Variants in ME1 observed in about 807,000 individuals in gnomAD.
ME1 encodes malic enzyme 1.
In ME1, 74 loss-of-function variants were observed where a neutral mutation model predicts 66.4. The ratio of observed to expected loss-of-function variants is 1.11; its 90% CI spans 0.92 to 1.35. ME1 has a LOEUF of 1.35. Among genes scored for constraint, ME1 ranks in the 40% most tolerant of loss-of-function variants. The probability of loss-of-function intolerance (pLI) is 0.00; values close to 1 mark genes in which losing one functional copy is unlikely to be tolerated. For missense variants in ME1, 750 were observed against 694.1 expected (o/e 1.08, Z -0.90); for synonymous variants, 251 against 235.6 (o/e 1.07, Z -0.60).
intron 6 of ME1, among the ~76,000 whole-genome samples, chr6:83,300,955 C>T (rs1351675734): frequency 6.6e-6 from 1 of 152,092 alleles, no homozygotes. Context: ...GACAGAAAAC[C>T]AAACACTGCG....
intron 4 of ME1, among the ~76,000 whole-genome samples, chr6:83,347,170 T>A (rs1053935940): frequency 3.3e-5 from 5 of 152,180 alleles, no homozygotes; most frequent in Admixed American, 2.0e-4. Context: ...GCCAGGCTGG[T>A]ATCAAACTCC....
At chr6:83,281,489 T>C (rs1767285287) in intron 6 of ME1, among the ~76,000 whole-genome samples, 1 of 151,866 alleles carries the variant, frequency 6.6e-6, no homozygotes, top group East Asian at 1.9e-4. Flanking sequence ...TTACTGAAAA[T>C]GTCAAGGCAA....
At chr6:83,212,599 C>T (rs1447941201) in intron 13 of ME1, among the ~76,000 whole-genome samples, 3 of 152,204 alleles carry the variant, frequency 2.0e-5, no homozygotes, top group East Asian at 3.8e-4. Context: ...CTCTGGTCAT[C>T]ACGCCCTGTG....
intron 3 of ME1, among the ~76,000 whole-genome samples, chr6:83,364,735 G>A (rs560161396): frequency 8.7e-4 from 130 of 150,032 alleles, no homozygotes; most frequent in African/African-American, 3.2e-3. Flanking sequence ...CTATCTATCT[G>A]TCATCTATCT....
At chr6:83,258,331 G>A (rs913769767) in intron 6 of ME1, among the ~76,000 whole-genome samples, 1 of 152,050 alleles carries the variant, frequency 6.6e-6, no homozygotes, top group Non-Finnish European at 1.5e-5. Context: ...TTCATTTTGT[G>A]ATACAAGCAT....
intron 7 of ME1, among the ~76,000 whole-genome samples, chr6:83,251,311 G>A (rs1182024951): frequency 6.6e-6 from 1 of 151,784 alleles, no homozygotes; most frequent in East Asian, 1.9e-4. Context: ...CCTGACCAAC[G>A]TGGCAAAAAC....
intron 3 of ME1, among the ~76,000 whole-genome samples, chr6:83,370,623 C>T (rs1769177288): frequency 6.6e-6 from 1 of 152,096 alleles, no homozygotes; most frequent in Non-Finnish European, 1.5e-5. Context: ...ATTACTTAGT[C>T]TCACATTTAG....
In ME1 at chr6:83,386,210, G is replaced by C. The variant is rs1259135582; in HGVS notation, c.362+12157C>G. 2.0e-5 allele frequency among the ~76,000 whole-genome samples: 3 copies of C among 151,914 alleles called. No individual in the cohort carries two copies. The East Asian group carries it at 5.8e-4, about 29-fold the overall frequency. On this transcript the variant is annotated intron_variant, in intron 3 of 13. Coordinates refer to ENST00000369705, the MANE Select transcript of ME1 (RefSeq NM_002395.6). ...TGTTTTTAATATTTAACATTAAAAT[G>C]ATCACTTTTCTGGAAGCATTAAAAG...
In ME1 at chr6:83,339,878, C is replaced by A. The variant is rs551649176; in HGVS notation, c.600+6295G>T. On this transcript the variant is annotated intron_variant, in intron 5 of 13. Coordinates refer to ENST00000369705, the MANE Select transcript of ME1 (RefSeq NM_002395.6). ...GAGATATACCTAATGCTAGATGACA[C>A]GTTAGTGGGTGCAGCGCACCAGCAT... Among the ~76,000 whole-genome samples the A allele has an allele frequency of 1.1e-4, 14 of 126,422 alleles. No individual in the cohort carries two copies. In the South Asian group the frequency reaches 1.4e-3, roughly 13 times the overall value. The allele number at this position is 126,422 out of a possible 152,430, so 82.9% of individuals were successfully genotyped here. A position where few individuals can be genotyped will look rare whatever the true frequency, so the allele number is the denominator to read the frequency against.
At chr6:83,306,210 T>C (rs1767821785) in intron 6 of ME1, among the ~76,000 whole-genome samples, 1 of 152,018 alleles carries the variant, frequency 6.6e-6, no homozygotes, top group African/African-American at 2.4e-5. Context: ...TGTGGGACTA[T>C]AGATGGAAAA....
chr6:83,317,481 A>G (rs1018887280), intron 5 of ME1, among the ~76,000 whole-genome samples: 1 of 151,626 alleles, frequency 6.6e-6, no homozygotes, highest in African/African-American at 2.4e-5. Flanking sequence ...TTGTTGGTGT[A>G]TAGGAATGCT....
chr6:83,422,816 A>T (rs1317084292), intron 1 of ME1, among the ~76,000 whole-genome samples: 1 of 152,136 alleles, frequency 6.6e-6, no homozygotes, highest in Non-Finnish European at 1.5e-5. Flanking sequence ...ACAAGTCCTT[A>T]AAAAAGTAGG....
intron 3 of ME1, among the ~76,000 whole-genome samples, chr6:83,378,823 G>A (rs940887687): frequency 6.6e-6 from 1 of 151,886 alleles, no homozygotes; most frequent in Non-Finnish European, 1.5e-5. Context: ...CCAACCACAA[G>A]GAATTCTTCC....
chr6:83,346,054 G>T (rs757807567), intron 5 of ME1, 119 bp downstream of exon 5: 1 of 779,736 alleles, frequency 1.3e-6, no homozygotes, highest in Non-Finnish European at 2.0e-6. Flanking sequence ...GATTTGGAGA[G>T]AGAAAGAGAA....
chr6:83,223,671 A>G, intron 12 of ME1, 89 bp downstream of exon 12: 1 of 1,237,336 alleles, frequency 8.1e-7, no homozygotes, highest in African/African-American at 1.5e-5. Flanking sequence ...GAGTAAGCTG[A>G]GATGCTAGAT....
chr6:83,311,878 C>A (rs148293354), intron 6 of ME1, among the ~76,000 whole-genome samples: 1 of 152,204 alleles, frequency 6.6e-6, no homozygotes, highest in African/African-American at 2.4e-5. Flanking sequence ...CGGAATCTTG[C>A]ATCCCTAGAG....
intron 4 of ME1, among the ~76,000 whole-genome samples, chr6:83,347,102 C>T (rs965182917): frequency 3.9e-5 from 6 of 151,978 alleles, no homozygotes; most frequent in East Asian, 1.9e-4. Flanking sequence ...TACAGGCGCC[C>T]GCCACCACGC....
intron 2 of ME1, among the ~76,000 whole-genome samples, chr6:83,400,142 G>A (rs1416175496): frequency 2.0e-5 from 3 of 152,022 alleles, no homozygotes; most frequent in Admixed American, 2.0e-4. Context: ...TATGGTTTGG[G>A]TGTTTGTCCC....
chr6:83,328,314 CA>C (rs1172453793), intron 5 of ME1, among the ~76,000 whole-genome samples: 5 of 151,872 alleles, frequency 3.3e-5, no homozygotes, highest in Admixed American at 6.6e-5. Context: ...CGGGGCATGT[CA>C]GGGGGTGGAA....
Sources: gnomAD v4.1 joint callset for allele counts (sites outside exome capture counted in the v4.1 genomes callset) on GRCh38, gnomAD v4.1.1 for gene constraint, MANE v1.5 for transcripts, NCBI Gene and HGNC (gene_info 2026-07-23, HGNC 2026-07-21) for gene names.